KCNN2: variants seen among roughly 807,000 people sequenced by gnomAD.
KCNN2 encodes potassium calcium-activated channel subfamily N member 2.
Under a neutral mutation model 55.5 loss-of-function variants are expected in KCNN2, and 24 were observed. The observed-to-expected ratio is 0.43, with a 90% CI of 0.31 to 0.61. The LOEUF (loss-of-function observed/expected upper bound fraction) is 0.61. Ranked by LOEUF, KCNN2 falls within the 20% of genes least tolerant of loss-of-function variation. KCNN2 has a pLI of 0.08. For synonymous variants in KCNN2, 431 were observed against 336.1 expected (o/e 1.28, Z -3.09); for missense variants, 754 against 853.6 (o/e 0.88, Z 1.45).
intron 2 of KCNN2, among the ~76,000 whole-genome samples, chr5:114,272,253 T>C (rs543319388): frequency 6.1e-5 from 6 of 97,602 alleles, no homozygotes; most frequent in East Asian, 7.4e-4. Flanking sequence ...ACATATCATA[T>C]ACACACATAT....
intron 3 of KCNN2, among the ~76,000 whole-genome samples, chr5:114,442,329 T>G (rs2150095679): frequency 6.6e-6 from 1 of 151,872 alleles, no homozygotes; most frequent in African/African-American, 2.4e-5. Context: ...AAAGAGTAAC[T>G]TCTGTTCATT....
chr5:114,415,605 C>T (rs117567145), intron 3 of KCNN2, among the ~76,000 whole-genome samples: 1 of 152,168 alleles, frequency 6.6e-6, no homozygotes, highest in East Asian at 1.9e-4. Flanking sequence ...AAAGTGGTAT[C>T]TTATTGTGGT....
chr5:114,240,344 C>G (rs1233374920), intron 2 of KCNN2, among the ~76,000 whole-genome samples: 1 of 151,292 alleles, frequency 6.6e-6, no homozygotes, highest in Non-Finnish European at 1.5e-5. Context: ...ATGGAAATTG[C>G]TTAGACATGA....
chr5:114,373,291 AG>A (rs1031833751), intron 2 of KCNN2, among the ~76,000 whole-genome samples: 8 of 152,020 alleles, frequency 5.3e-5, no homozygotes, highest in Non-Finnish European at 1.0e-4. Flanking sequence ...GGCTTCTAAA[AG>A]GGTATCCCTT....
chr5:114,423,153 G>A (rs1759518663), intron 3 of KCNN2, among the ~76,000 whole-genome samples: 1 of 152,202 alleles, frequency 6.6e-6, no homozygotes. Context: ...GGGCAGGGAT[G>A]ATAGCTCTTA....
At chr5:114,104,433 C>A (rs1751437494) in intron 1 of KCNN2, among the ~76,000 whole-genome samples, 1 of 151,948 alleles carries the variant, frequency 6.6e-6, no homozygotes, top group Non-Finnish European at 1.5e-5. Flanking sequence ...CTGCTTTGAT[C>A]TTAGTTATTT....
At chr5:114,412,549 G>A (rs987233949) in intron 3 of KCNN2, among the ~76,000 whole-genome samples, 2 of 152,180 alleles carry the variant, frequency 1.3e-5, no homozygotes, top group Non-Finnish European at 2.9e-5. Context: ...GGGATGAATG[G>A]CATCTGAAAG....
Position 114,456,093 on chromosome 5 carries a change from CT to C in KCNN2, c.1638-6954del, listed in dbSNP as rs1760916102. 3.9e-5 allele frequency among the ~76,000 whole-genome samples: 6 copies of C among 152,270 alleles called. No individual in the cohort carries two copies. The East Asian group carries it at 1.2e-3, about 29-fold the overall frequency. On this transcript the variant is annotated intron_variant, in intron 3 of 7. Transcript: ENST00000673685. ...AGATTTTCAATGTAGATGAAACAGG[CT>C]TCTATTGGAAAAATATGTCATCTAG...
At chr5:114,157,296 G>C (rs573116223) in intron 1 of KCNN2, among the ~76,000 whole-genome samples, 1 of 151,828 alleles carries the variant, frequency 6.6e-6, no homozygotes. Context: ...CAGAATGATG[G>C]TTTCCAGCTT....
chr5:114,074,786 A>G (rs968731737), intron 1 of KCNN2, among the ~76,000 whole-genome samples: 1 of 152,204 alleles, frequency 6.6e-6, no homozygotes, highest in African/African-American at 2.4e-5. Context: ...TAACTTAGTG[A>G]CAATTTAACA....
intron 2 of KCNN2, among the ~76,000 whole-genome samples, chr5:114,301,856 G>T (rs1405672518): frequency 6.6e-6 from 1 of 152,170 alleles, no homozygotes; most frequent in East Asian, 1.9e-4. Flanking sequence ...CAGTGTAACA[G>T]CTGAGGTTTG....
rs1309590184 is a variant in KCNN2, at chr5:114,449,908, A to ACACACACACACACACACGCGCG, written c.1638-13140_1638-13139insACACACACACACACACGCGCGC. Among the ~76,000 whole-genome samples the ACACACACACACACACACGCGCG allele has an allele frequency of 4.1e-3, 269 of 66,128 alleles. 1 individual carries two copies. Among genetic ancestry groups the ACACACACACACACACACGCGCG allele is most frequent in the East Asian group, 0.028 (9 of 324 alleles). The allele number at this position is 66,128 out of a possible 152,430, so 43.4% of individuals were successfully genotyped here. On this transcript the variant is annotated intron_variant, in intron 3 of 7. Transcript: ENST00000673685. ...CACACACACACACACACACACACAC[A>ACACACACACACACACACGCGCG]CGCGCGCGCTCGCGTGCGCGCACTC...
At chr5:114,335,798 G>A (rs912045070) in intron 2 of KCNN2, among the ~76,000 whole-genome samples, 12 of 152,254 alleles carry the variant, frequency 7.9e-5, no homozygotes, top group African/African-American at 2.9e-4. Context: ...TTAGAAATAT[G>A]GGAAGAGGTT....
chr5:114,196,096 G>A (rs1219633823), intron 1 of KCNN2, among the ~76,000 whole-genome samples: 1 of 151,834 alleles, frequency 6.6e-6, no homozygotes, highest in African/African-American at 2.4e-5. Flanking sequence ...AAAATCAGTT[G>A]AATATAAATA....
rs200989270 is a variant in KCNN2 at position 114,158,482 on chromosome 5, G to A, written c.-270-62998G>A. 3.9e-5 allele frequency among the ~76,000 whole-genome samples: 6 copies of A among 152,218 alleles called. No homozygotes were observed. In the East Asian group the frequency reaches 9.7e-4, roughly 24 times the overall value. ...TTTGGCTTAGGATTGACTTGGCAAT[G>A]CAGGCTCTTTTTTGGTTCCATATGA... On this transcript the variant is annotated intron_variant, in intron 1 of 10. Transcript: ENST00000512097.
intron 2 of KCNN2, among the ~76,000 whole-genome samples, chr5:114,247,417 A>G (rs1033162711): frequency 6.6e-6 from 1 of 152,034 alleles, no homozygotes; most frequent in Non-Finnish European, 1.5e-5. Context: ...ATTAAATTTT[A>G]TTATTTAGAT....
intron 2 of KCNN2, among the ~76,000 whole-genome samples, chr5:114,235,937 A>G (rs1322500735): frequency 6.6e-6 from 1 of 152,220 alleles, no homozygotes; most frequent in Non-Finnish European, 1.5e-5. Context: ...AAAACTAATC[A>G]GTATAAGTGT....
chr5:114,359,198 G>C (rs1267133461), upstream of KCNN2, among the ~76,000 whole-genome samples: 1 of 152,150 alleles, frequency 6.6e-6, no homozygotes, highest in African/African-American at 2.4e-5. Flanking sequence ...TTTCAAAATA[G>C]TGCTAGCCGG....
intron 1 of KCNN2, among the ~76,000 whole-genome samples, chr5:114,068,509 T>C (rs1271447380): frequency 6.6e-6 from 1 of 152,182 alleles, no homozygotes; most frequent in Non-Finnish European, 1.5e-5. Context: ...TGACAGTTTA[T>C]ACTGTTTCCA....
Sources: gnomAD v4.1 joint callset for allele counts (sites outside exome capture counted in the v4.1 genomes callset) on GRCh38, gnomAD v4.1.1 for gene constraint, MANE v1.5 for transcripts, NCBI Gene and HGNC (gene_info 2026-07-23, HGNC 2026-07-21) for gene names.